Variants in ANKH observed in about 807,000 individuals in gnomAD.
ANKH encodes the protein ANKH inorganic pyrophosphate transport regulator, also known as mineralization regulator ANKH.
A neutral mutation model predicts 49.0 loss-of-function variants in ANKH; 15 were observed. That is an observed-to-expected ratio of 0.31 (90% CI 0.20 to 0.47). The LOEUF (loss-of-function observed/expected upper bound fraction) is 0.47, where lower values mean the gene tolerates loss of function less well. ANKH is among the 20% of genes least tolerant of loss of function. ANKH has a pLI of 1.00. For missense variants in ANKH, 429 were observed against 652.0 expected (o/e 0.66, Z 3.72); for synonymous variants, 273 against 260.0 (o/e 1.05, Z -0.48).
At chr5:14,775,582 C>T (rs1580058215) in intron 1 of ANKH, among the ~76,000 whole-genome samples, 1 of 152,110 alleles carries the variant, frequency 6.6e-6, no homozygotes, top group African/African-American at 2.4e-5. Flanking sequence ...TTTAGGTAGA[C>T]AAGGCAGCCC....
At chr5:14,827,426 G>A (rs1000001167) in intron 1 of ANKH, among the ~76,000 whole-genome samples, 5 of 152,204 alleles carry the variant, frequency 3.3e-5, no homozygotes, top group Non-Finnish European at 7.3e-5. Context: ...ATTCTCAGCT[G>A]CTAGTCTAGG....
chr5:14,839,048 A>G (rs1163032757), intron 1 of ANKH, among the ~76,000 whole-genome samples: 2 of 152,200 alleles, frequency 1.3e-5, no homozygotes, highest in Admixed American at 6.5e-5. Flanking sequence ...AGTGATTTTG[A>G]CCCAGTTATC....
At chr5:14,750,144 C>G (rs185098933) in intron 5 of ANKH, among the ~76,000 whole-genome samples, 1 of 152,158 alleles carries the variant, frequency 6.6e-6, no homozygotes, top group South Asian at 2.1e-4. Context: ...CTGCTTGATA[C>G]GACAAAGTAA....
At chr5:14,833,784 C>T (rs1741576423) in intron 1 of ANKH, among the ~76,000 whole-genome samples, 1 of 152,210 alleles carries the variant, frequency 6.6e-6, no homozygotes, top group South Asian at 2.1e-4. Flanking sequence ...TGCATAGTTA[C>T]ATCCCCTTAT....
intron 1 of ANKH, among the ~76,000 whole-genome samples, chr5:14,843,549 GAA>G (rs60487783): frequency 7.7e-4 from 47 of 61,008 alleles, no homozygotes; most frequent in Admixed American, 8.8e-4. Flanking sequence ...GGGGATTAGC[GAA>G]AAAAAAAAAA....
chr5:14,742,086 C>A (rs1738378914), intron 7 of ANKH, among the ~76,000 whole-genome samples, 164 bp from the exon 8 acceptor site: 1 of 152,180 alleles, frequency 6.6e-6, no homozygotes, highest in South Asian at 2.1e-4. Context: ...GTCTCTCGGG[C>A]AGCTGTCAGG....
chr5:14,848,349 A>G (rs1742027117), intron 1 of ANKH, among the ~76,000 whole-genome samples: 1 of 152,206 alleles, frequency 6.6e-6, no homozygotes, highest in African/African-American at 2.4e-5. Context: ...ATCGCCTGAG[A>G]GCACACAGAC....
chr5:14,849,387 A>G (rs1431848602), intron 1 of ANKH, among the ~76,000 whole-genome samples: 1 of 152,194 alleles, frequency 6.6e-6, no homozygotes, highest in Non-Finnish European at 1.5e-5. Flanking sequence ...TGTTAGCTGT[A>G]TACATGTATT....
At chr5:14,747,787 C>A (rs1353859794) in intron 6 of ANKH, among the ~76,000 whole-genome samples, 1 of 152,144 alleles carries the variant, frequency 6.6e-6, no homozygotes, top group Non-Finnish European at 1.5e-5. Flanking sequence ...TGTGGTGTGG[C>A]GTGCTGTGCT....
At chr5:14,748,956 G>A (rs1192248204) in intron 6 of ANKH, among the ~76,000 whole-genome samples, 1 of 152,212 alleles carries the variant, frequency 6.6e-6, no homozygotes, top group East Asian at 1.9e-4. Flanking sequence ...AAGGATGTAC[G>A]ACATGCATGA....
Position 14,871,489 on chromosome 5 carries a change from G to A in ANKH, c.-42C>T, listed in dbSNP as rs748520251. Reference sequence around the variant, plus strand: ...TGACCCCACACACATCTGCTGCCGCGAGGGGACTCTGCGGGGAGGCGAGGG... The same window carrying A: ...TGACCCCACACACATCTGCTGCCGCAAGGGGACTCTGCGGGGAGGCGAGGG... On this transcript the variant is annotated 5_prime_UTR_variant, in exon 1 of 12. Coordinates refer to ENST00000284268, the MANE Select transcript of ANKH (RefSeq NM_054027.6). The A allele has an allele frequency of 5.8e-6, 9 of 1,545,800 alleles. No homozygotes were observed. In the South Asian group the frequency reaches 1.0e-4, roughly 17 times the overall value.
chr5:14,747,652 G>A (rs1179763577), intron 6 of ANKH, among the ~76,000 whole-genome samples: 2 of 152,188 alleles, frequency 1.3e-5, no homozygotes, highest in Non-Finnish European at 2.9e-5. Context: ...CTACATCCTG[G>A]CAGTGTTCAA....
At chr5:14,827,171 G>C (rs1032538514) in intron 1 of ANKH, among the ~76,000 whole-genome samples, 1 of 152,148 alleles carries the variant, frequency 6.6e-6, no homozygotes, top group Non-Finnish European at 1.5e-5. Flanking sequence ...TCTTCTTTCC[G>C]CGTGACTCTG....
chr5:14,865,184 C>T (rs1450080732), intron 1 of ANKH, among the ~76,000 whole-genome samples: 1 of 152,000 alleles, frequency 6.6e-6, no homozygotes, highest in African/African-American at 2.4e-5. Flanking sequence ...CACTTGAACC[C>T]GGGAGGCGGA....
intron 1 of ANKH, among the ~76,000 whole-genome samples, chr5:14,825,653 T>G (rs992179588): frequency 1.3e-5 from 2 of 152,130 alleles, no homozygotes; most frequent in African/African-American, 4.8e-5. Flanking sequence ...ATGCCCAGCC[T>G]CAAGCCTTTT....
At chr5:14,785,331 C>T (rs2126535669) in intron 1 of ANKH, among the ~76,000 whole-genome samples, 1 of 152,254 alleles carries the variant, frequency 6.6e-6, no homozygotes, top group Non-Finnish European at 1.5e-5. Context: ...GTGGATCCCT[C>T]AGGAATGGTT....
At chr5:14,866,721 C>CG (rs1365676519) in intron 1 of ANKH, among the ~76,000 whole-genome samples, 1 of 152,034 alleles carries the variant, frequency 6.6e-6, no homozygotes, top group East Asian at 1.9e-4. Flanking sequence ...TTTCATCCCC[C>CG]CTTGACCAAA....
chr5:14,871,381 T>A lies in ANKH; in HGVS notation c.67A>T (p.Thr23Ser). The A allele has an allele frequency of 6.2e-7, 1 of 1,613,118 alleles. No individual in the cohort carries two copies. The highest frequency in any genetic ancestry group is 8.5e-7 in the Non-Finnish European group (1 of 1,179,582). The change falls in exon 1 of 12, where the codon ACC becomes TCC. Residue 23 changes from threonine to serine, a missense_variant. Physicochemically the swap from Thr to Ser is moderately conservative, Grantham distance 58 (BLOSUM62 1). Around this residue, in one of 2 missense-constraint regions of ANKH, gnomAD observed 378 missense variants for 615.3 expected, o/e 0.61. Transcript: ENST00000284268. ...LIRFLVPLGITNIAIDFGEQA... is the reference protein window; with the variant it reads ...LIRFLVPLGISNIAIDFGEQA... ...TCCCCGAAGTCGATGGCTATGTTGG[T>A]GATGCCCAGGGGCACCAAGAACCGG...
intron 1 of ANKH, among the ~76,000 whole-genome samples, chr5:14,834,413 G>A (rs368556069): frequency 6.6e-6 from 1 of 152,154 alleles, no homozygotes; most frequent in African/African-American, 2.4e-5. Flanking sequence ...CAGGAGAAAG[G>A]ACACTGTAAC....
Sources: gnomAD v4.1 joint callset for allele counts (sites outside exome capture counted in the v4.1 genomes callset) on GRCh38, gnomAD v4.1.1 for gene constraint, gnomAD v4.1.1 regional missense constraint, MANE v1.5 for transcripts, NCBI Gene and HGNC (gene_info 2026-07-23, HGNC 2026-07-21) for gene names.